KAZN: variants seen among roughly 807,000 people sequenced by gnomAD.
KAZN encodes kazrin.
Under a neutral mutation model 87.4 loss-of-function variants are expected in KAZN, and 40 were observed. The ratio of observed to expected loss-of-function variants is 0.46; its 90% confidence interval spans 0.36 to 0.60. KAZN has a LOEUF of 0.60. Among genes scored for constraint, KAZN ranks in the 20% least tolerant of loss-of-function variants. KAZN has a pLI of 0.00. For missense variants in KAZN, 898 were observed against 1,073.9 expected (o/e 0.84, Z 2.29); for synonymous variants, 466 against 458.3 (o/e 1.02, Z -0.22).
At position 14,975,630 on chromosome 1, in the gene KAZN, T is replaced by C. The variant is rs1047395066; in HGVS notation, c.418+14755T>C. On this transcript the variant is annotated intron_variant, in intron 2 of 14. Coordinates refer to ENST00000376030, the MANE Select transcript of KAZN (RefSeq NM_201628.3). ...TGGTATAGTCCAGGCATGCATGGAA[T>C]ATAAATTCCACAGATTTCCTCCCAG... Among the ~76,000 whole-genome samples, 8 of 152,364 alleles carry C rather than the reference T, an allele frequency of 5.3e-5. No individual in the cohort carries two copies. The East Asian group carries it at 1.5e-3, about 29-fold the overall frequency.
At chr1:14,077,432 T>C (rs1370268278) in intron 1 of KAZN, among the ~76,000 whole-genome samples, 1 of 152,174 alleles carries the variant, frequency 6.6e-6, no homozygotes, top group Non-Finnish European at 1.5e-5. Flanking sequence ...ACTTACATGT[T>C]ACTCAAAAGA....
At chr1:14,373,709 CAG>C (rs1660687038) in intron 2 of KAZN, among the ~76,000 whole-genome samples, 1 of 152,196 alleles carries the variant, frequency 6.6e-6, no homozygotes, top group South Asian at 2.1e-4. Context: ...ATGCATTCCA[CAG>C]AGTCCTAGGA....
In KAZN at chr1:14,074,682, C is replaced by T. The variant is rs140568188; in HGVS notation, c.92-105753C>T. Among the ~76,000 whole-genome samples the T allele has an allele frequency of 2.5e-3, 388 of 152,290 alleles. 3 individuals are homozygous for T. Among genetic ancestry groups the T allele is most frequent in the African/African-American group, 8.8e-3 (367 of 41,566 alleles). ...CTCTAGCCCAGGTCTAAGGGCAGAA[C>T]TGGTCTCAAGTGTATCTAAGGGCTT... On this transcript the variant is annotated intron_variant, in intron 1 of 16. Coordinates refer to the KAZN transcript ENST00000636203.
At chr1:15,089,272 C>G (rs1640416175) in intron 8 of KAZN, among the ~76,000 whole-genome samples, 1 of 152,180 alleles carries the variant, frequency 6.6e-6, no homozygotes. Flanking sequence ...GAGACATAGC[C>G]AAGGGCTGCA....
intron 1 of KAZN, among the ~76,000 whole-genome samples, chr1:14,762,979 G>C (rs1202305600): frequency 2.0e-5 from 3 of 152,316 alleles, no homozygotes; most frequent in South Asian, 2.1e-4. Context: ...TGACATTTCT[G>C]TAATGCTTCA....
At chr1:15,043,311 C>A (rs983479635) in intron 3 of KAZN, among the ~76,000 whole-genome samples, 1 of 152,156 alleles carries the variant, frequency 6.6e-6, no homozygotes, top group Non-Finnish European at 1.5e-5. Flanking sequence ...ACTATTGCAC[C>A]CTAACTTCTG....
At chr1:14,293,358 C>G (rs1302065932) in intron 2 of KAZN, among the ~76,000 whole-genome samples, 1 of 152,204 alleles carries the variant, frequency 6.6e-6, no homozygotes, top group Non-Finnish European at 1.5e-5. Flanking sequence ...TCAGCACGAA[C>G]AGCTAAATCT....
intron 1 of KAZN, among the ~76,000 whole-genome samples, chr1:14,863,938 G>A (rs1295762049): frequency 6.6e-6 from 1 of 152,204 alleles, no homozygotes; most frequent in African/African-American, 2.4e-5. Flanking sequence ...TTGGGGGGAT[G>A]TGCAGCTGAA....
intron 4 of KAZN, among the ~76,000 whole-genome samples, chr1:15,044,448 C>G (rs1422306851): frequency 6.6e-6 from 1 of 152,156 alleles, no homozygotes; most frequent in African/African-American, 2.4e-5. Context: ...CACACCCCAG[C>G]CTACTATTAG....
In KAZN at chr1:14,452,003, C is replaced by T. The variant is rs756608393; in HGVS notation, c.250-146980C>T. On this transcript the variant is annotated intron_variant, in intron 2 of 16. Coordinates refer to the KAZN transcript ENST00000636203. The stretch of plus-strand genomic sequence containing the variant: ...CACCCAGGCTGGAGTGCACTGGCTC[C>T]GTCCCGGCCCACTGCAGCCTCCGTC... Among the ~76,000 whole-genome samples, 9 of 152,198 alleles carry T rather than the reference C, an allele frequency of 5.9e-5. No homozygotes were observed. In the South Asian group the frequency reaches 6.2e-4, roughly 11 times the overall value.
chr1:13,998,348 T>C (rs1345220395), intron 1 of KAZN, among the ~76,000 whole-genome samples: 1 of 152,192 alleles, frequency 6.6e-6, no homozygotes, highest in Admixed American at 6.5e-5. Flanking sequence ...AGCATTATGA[T>C]GACAGGATCA....
At chr1:14,943,010 GTGTGTGTGTGTGTGT>G (rs1557644879) in intron 1 of KAZN, among the ~76,000 whole-genome samples, 27 of 76,634 alleles carry the variant, frequency 3.5e-4, no homozygotes, top group Admixed American at 8.4e-4. Context: ...TGTGTGTGGT[GTGTGTGTGTGTGTGT>G]GTGTGTGTGT....
intron 2 of KAZN, among the ~76,000 whole-genome samples, chr1:14,291,588 G>A (rs917792319): frequency 7.2e-5 from 11 of 152,332 alleles, no homozygotes; most frequent in African/African-American, 2.4e-4. Context: ...GATACAGTCT[G>A]TCATGGCTTC....
chr1:14,065,539 A>C (rs2101535121), intron 1 of KAZN, among the ~76,000 whole-genome samples: 1 of 152,064 alleles, frequency 6.6e-6, no homozygotes, highest in African/African-American at 2.4e-5. Flanking sequence ...TAAACTCGAA[A>C]ATCTTGGGCC....
At chr1:14,892,437 A>G (rs1472251601) in intron 1 of KAZN, among the ~76,000 whole-genome samples, 2 of 133,232 alleles carry the variant, frequency 1.5e-5, no homozygotes, top group Non-Finnish European at 3.1e-5. Flanking sequence ...TTCTCTCTGT[A>G]TCCTACAATC....
intron 1 of KAZN, among the ~76,000 whole-genome samples, chr1:13,997,928 C>T (rs1419737126): frequency 6.6e-6 from 1 of 152,054 alleles, no homozygotes; most frequent in African/African-American, 2.4e-5. Flanking sequence ...TCAGATTCTC[C>T]AAGGTCGAAA....
chr1:14,149,049 G>GCCTGCCTT (rs1369042532), intron 1 of KAZN, among the ~76,000 whole-genome samples: 41 of 136,172 alleles, frequency 3.0e-4, no homozygotes, highest in South Asian at 9.6e-4. Context: ...CTGCCTGCCT[G>GCCTGCCTT]CCTGCCTTCC....
chr1:14,432,591 A>G (rs939184342), intron 2 of KAZN, among the ~76,000 whole-genome samples: 3 of 151,932 alleles, frequency 2.0e-5, no homozygotes, highest in African/African-American at 4.8e-5. Context: ...TCCGGGATAC[A>G]TGTGCAGAAT....
intron 1 of KAZN, among the ~76,000 whole-genome samples, chr1:14,632,924 A>AT (rs771100638): frequency 2.0e-3 from 225 of 114,076 alleles, no homozygotes; most frequent in African/African-American, 5.7e-3. Context: ...CACTTTATTT[A>AT]TTTTTTTTTT....
Sources: gnomAD v4.1 joint callset for allele counts (sites outside exome capture counted in the v4.1 genomes callset) on GRCh38, gnomAD v4.1.1 for gene constraint, MANE v1.5 for transcripts, NCBI Gene and HGNC (gene_info 2026-07-23, HGNC 2026-07-21) for gene names.